Variants in GABRB1 observed in about 807,000 individuals in gnomAD.
The protein encoded by GABRB1 is gamma-aminobutyric acid receptor subunit beta-1.
A neutral mutation model predicts 51.6 loss-of-function variants in GABRB1; 17 were observed. The observed-to-expected ratio is 0.33, with a 90% CI of 0.23 to 0.49. The LOEUF (loss-of-function observed/expected upper bound fraction) is 0.49. Ranked by LOEUF, GABRB1 falls within the 20% of genes least tolerant of loss-of-function variation. GABRB1 has a pLI of 0.99. For missense variants in GABRB1, 410 were observed against 600.6 expected (o/e 0.68, Z 3.32); for synonymous variants, 247 against 218.9 (o/e 1.13, Z -1.14).
intron 1 of GABRB1, among the ~76,000 whole-genome samples, chr4:47,002,813 G>T (rs1724269699): frequency 6.6e-6 from 1 of 152,156 alleles, no homozygotes; most frequent in Non-Finnish European, 1.5e-5. Flanking sequence ...TTACCATCTG[G>T]TGGCTACTGC....
chr4:47,319,564 T>C (rs777558967), intron 4 of GABRB1, among the ~76,000 whole-genome samples: 1 of 152,220 alleles, frequency 6.6e-6, no homozygotes, highest in East Asian at 1.9e-4. Flanking sequence ...TATATTGTTT[T>C]GACATGCTGT....
intron 4 of GABRB1, among the ~76,000 whole-genome samples, chr4:47,168,779 G>C (rs1718316127): frequency 6.6e-6 from 1 of 152,102 alleles, no homozygotes; most frequent in Non-Finnish European, 1.5e-5. Flanking sequence ...TTAAACAGTA[G>C]AAATTTATAG....
intron 3 of GABRB1, among the ~76,000 whole-genome samples, chr4:47,151,270 C>A (rs1425812105): frequency 6.6e-6 from 1 of 151,856 alleles, no homozygotes; most frequent in East Asian, 1.9e-4. Context: ...GTCAAGAGTT[C>A]CTAAAACCTC....
At chr4:47,122,055 ACT>A (rs1715801742) in intron 3 of GABRB1, among the ~76,000 whole-genome samples, 1 of 151,928 alleles carries the variant, frequency 6.6e-6, no homozygotes, top group Non-Finnish European at 1.5e-5. Flanking sequence ...TCCTCTCTAG[ACT>A]CTCAGACTCC....
chr4:47,055,563 A>G (rs1726553873), intron 3 of GABRB1, among the ~76,000 whole-genome samples: 3 of 152,202 alleles, frequency 2.0e-5, no homozygotes, highest in African/African-American at 7.2e-5. Flanking sequence ...GCTAGTCTGA[A>G]GTTAAACAGA....
intron 3 of GABRB1, among the ~76,000 whole-genome samples, chr4:47,063,696 A>G (rs762175406): frequency 1.3e-5 from 2 of 152,216 alleles, no homozygotes; most frequent in Non-Finnish European, 2.9e-5. Context: ...CATGAGCTGC[A>G]TACTATGCAG....
intron 4 of GABRB1, among the ~76,000 whole-genome samples, chr4:47,165,731 T>G (rs1283586944): frequency 6.6e-6 from 1 of 152,124 alleles, no homozygotes; most frequent in Non-Finnish European, 1.5e-5. Flanking sequence ...AACCACTGAG[T>G]TTCCAAAATT....
At chr4:47,019,351 A>G (rs1288323033) in intron 1 of GABRB1, among the ~76,000 whole-genome samples, 1 of 152,142 alleles carries the variant, frequency 6.6e-6, no homozygotes, top group East Asian at 1.9e-4. Context: ...TGAAAACCCC[A>G]GCATACCTGG....
At chr4:47,306,174 T>C (rs1477176673) in intron 4 of GABRB1, among the ~76,000 whole-genome samples, 1 of 149,364 alleles carries the variant, frequency 6.7e-6, no homozygotes, top group East Asian at 2.0e-4. Context: ...AGACAAAAGA[T>C]GGAATGTAAC....
intron 4 of GABRB1, among the ~76,000 whole-genome samples, chr4:47,176,469 A>G (rs960571516): frequency 2.0e-5 from 3 of 152,134 alleles, no homozygotes; most frequent in Non-Finnish European, 4.4e-5. Context: ...CTTGAGGAAA[A>G]CTGTAGACAA....
Position 47,195,191 on chromosome 4 carries a change from C to G in GABRB1, c.461+33722C>G, listed in dbSNP as rs141225307. ...ACCATCCTGGCTAACACAGTGAAAC[C>G]CCGTCTCTACTAAAAATACGAAAAA... On this transcript the variant is annotated intron_variant, in intron 4 of 8. Coordinates refer to ENST00000295454, the MANE Select transcript of GABRB1 (RefSeq NM_000812.4). Among the ~76,000 whole-genome samples the G allele has an allele frequency of 9.2e-3, 1,400 of 152,158 alleles. 22 individuals carry two copies. Among genetic ancestry groups the G allele is most frequent in the African/African-American group, 0.031 (1,295 of 41,500 alleles).
At chr4:47,082,172 C>T (rs1352976381) in intron 3 of GABRB1, among the ~76,000 whole-genome samples, 2 of 151,964 alleles carry the variant, frequency 1.3e-5, no homozygotes, top group Non-Finnish European at 2.9e-5. Context: ...GTCCCCTGAG[C>T]TATTATTTAC....
At chr4:47,328,184 T>C (rs1725327005) in intron 5 of GABRB1, among the ~76,000 whole-genome samples, 1 of 152,322 alleles carries the variant, frequency 6.6e-6, no homozygotes, top group Middle Eastern at 3.4e-3. Context: ...GTAAATTTGT[T>C]TGAGTTCATT....
chr4:47,305,239 C>T (rs558131540), intron 4 of GABRB1, among the ~76,000 whole-genome samples: 1 of 152,176 alleles, frequency 6.6e-6, no homozygotes, highest in East Asian at 1.9e-4. Flanking sequence ...TTTGAGCATA[C>T]TTTTAGTAGT....
At chr4:47,376,613 C>G (rs1176119611) in intron 5 of GABRB1, among the ~76,000 whole-genome samples, 3 of 152,202 alleles carry the variant, frequency 2.0e-5, no homozygotes, top group Non-Finnish European at 2.9e-5. Flanking sequence ...CACCACTGCA[C>G]TCCAGCCTGG....
At chr4:47,325,307 T>C (rs575834004) in intron 5 of GABRB1, among the ~76,000 whole-genome samples, 1 of 152,130 alleles carries the variant, frequency 6.6e-6, no homozygotes, top group East Asian at 1.9e-4. Context: ...TGGTGGCACA[T>C]GCCTGTAATC....
chr4:47,289,515 T>C (rs1578066607), intron 4 of GABRB1, among the ~76,000 whole-genome samples: 1 of 152,212 alleles, frequency 6.6e-6, no homozygotes, highest in South Asian at 2.1e-4. Flanking sequence ...GGAAAATTAG[T>C]CTAACTCCAC....
At chr4:47,371,688 G>A (rs558898741) in intron 5 of GABRB1, among the ~76,000 whole-genome samples, 14 of 152,254 alleles carry the variant, frequency 9.2e-5, no homozygotes, top group Admixed American at 2.0e-4. Context: ...CTAATGATCC[G>A]TGATGTTGAG....
At chr4:47,198,830 G>T (rs562060556) in intron 4 of GABRB1, among the ~76,000 whole-genome samples, 1 of 152,302 alleles carries the variant, frequency 6.6e-6, no homozygotes. Flanking sequence ...GAGGCCTCAG[G>T]AAACTTATGA....
Sources: allele counts gnomAD v4.1 joint callset (sites outside exome capture counted in the v4.1 genomes callset), GRCh38; gene constraint gnomAD v4.1.1; transcripts MANE v1.5; gene names NCBI Gene and HGNC (gene_info 2026-07-23, HGNC 2026-07-21).